TP53BP1: variants seen among roughly 807,000 people sequenced by gnomAD.
The protein encoded by TP53BP1 is tumor protein p53 binding protein 1.
TP53BP1 carries 61 observed loss-of-function variants against 200.8 expected under a neutral mutation model. The observed-to-expected ratio is 0.30, with a 90% CI of 0.25 to 0.38. The LOEUF (loss-of-function observed/expected upper bound fraction) is 0.38. Among genes scored for constraint, TP53BP1 ranks in the 10% least tolerant of loss-of-function variants. The probability of loss-of-function intolerance (pLI) is 1.00; values close to 1 mark genes in which losing one functional copy is unlikely to be tolerated. For missense variants in TP53BP1, 2,144 were observed against 2,371.9 expected (o/e 0.90, Z 2.00); for synonymous variants, 822 against 844.3 (o/e 0.97, Z 0.46).
Position 43,456,462 on chromosome 15 carries a change from C to CT in TP53BP1, c.2145dup (p.Glu716ArgfsTer9). The CT allele has an allele frequency of 6.4e-7, 1 of 1,567,314 alleles. No homozygotes were observed. ...TCAACTTCCATAGCTTCTGAGCATTCTTTTTTTGGCATTTCCTTTTGAAGA... is the reference window on the plus strand; with the variant it reads ...TCAACTTCCATAGCTTCTGAGCATTCTTTTTTTTGGCATTTCCTTTTGAAGA... On this transcript the variant is annotated frameshift_variant, in exon 12 of 28. Coordinates refer to ENST00000382044, the MANE Select transcript of TP53BP1 (RefSeq NM_001141980.3). LOFTEE classifies it high-confidence loss of function.
upstream of TP53BP1, among the ~76,000 whole-genome samples, chr15:43,495,731 G>A (rs1040649145): frequency 6.0e-5 from 9 of 150,068 alleles, no homozygotes; most frequent in African/African-American, 2.2e-4. Context: ...GCAGGAGAAT[G>A]GCGTGAACCC....
At chr15:43,492,121 C>T (rs1471950966) in intron 2 of TP53BP1, 26 bp from the exon 3 acceptor site, 1 of 1,567,238 alleles carries the variant, frequency 6.4e-7, no homozygotes, top group Non-Finnish European at 8.8e-7. Flanking sequence ...ACAAAATATC[C>T]CCATTATATA....
At chr15:43,486,850 T>A (rs1476313676) in intron 4 of TP53BP1, among the ~76,000 whole-genome samples, 1 of 152,128 alleles carries the variant, frequency 6.6e-6, no homozygotes, top group South Asian at 2.1e-4. Context: ...GGTCTCAAAC[T>A]CCTGAGCTCA....
rs554612149 is a variant in TP53BP1, at chr15:43,503,750, C to T, written c.-9+6620G>A. On this transcript the variant is annotated intron_variant, in intron 1 of 27. Coordinates refer to the TP53BP1 transcript ENST00000263801. ...TTACATCTTAGTCTGAAGTCTCACC[C>T]TGCCTTCTCCTGATTCTTCTTTGCA... Among the ~76,000 whole-genome samples the T allele has an allele frequency of 5.9e-5, 9 of 152,280 alleles. No homozygotes were observed. In the South Asian group the frequency reaches 1.9e-3, roughly 32 times the overall value.
chr15:43,476,259 C>T (rs1030528092), intron 8 of TP53BP1, among the ~76,000 whole-genome samples: 11 of 151,806 alleles, frequency 7.2e-5, no homozygotes, highest in South Asian at 2.1e-4. Flanking sequence ...AGGGAGACTC[C>T]GTCTCAAAAA....
chr15:43,407,193 A>C lies in TP53BP1; in HGVS notation c.*190T>G. 1.7e-6 allele frequency: 1 copy of C among 580,156 alleles called. No individual in the cohort carries two copies. The highest frequency in any genetic ancestry group is 3.0e-6 in the Non-Finnish European group (1 of 330,510). The allele number at this position is 580,156 out of a possible 1,614,324, so 35.9% of individuals were successfully genotyped here. A position where few individuals can be genotyped will look rare whatever the true frequency, so the allele number is the denominator to read the frequency against. On this transcript the variant is annotated 3_prime_UTR_variant, in exon 28 of 28. Coordinates refer to ENST00000382044, the MANE Select transcript of TP53BP1 (RefSeq NM_001141980.3). ...ATTTGTTCTGAGATTAAGCTCAAAAAAACAGATGAAGAAATCCCAGTTACT... is the reference window on the plus strand; with the variant it reads ...ATTTGTTCTGAGATTAAGCTCAAAACAACAGATGAAGAAATCCCAGTTACT...
Position 43,421,902 on chromosome 15 carries a change from G to A in TP53BP1, c.4053C>T (p.Pro1351=), listed in dbSNP as rs534443785. 8.1e-6 allele frequency: 13 copies of A among 1,614,152 alleles called. No homozygotes were observed. Among genetic ancestry groups the A allele is most frequent in the South Asian group, 2.2e-5 (2 of 91,072 alleles). The change falls in exon 19 of 28, where the codon CCC becomes CCT. Residue 1351 remains proline (P), a synonymous_variant. Transcript: ENST00000382044. ...GGGAGCTGGGTAAGGCAAAATCTGC[G>A]GGTTCTGTCCCGCTGGTTTTCCCTC... ...PLRGKTSGTE[P]ADFALPSSRG...
chr15:43,477,976 T>G (rs1015699719), intron 7 of TP53BP1, among the ~76,000 whole-genome samples: 1 of 152,206 alleles, frequency 6.6e-6, no homozygotes, highest in Non-Finnish European at 1.5e-5. Flanking sequence ...TCACAGCCAA[T>G]ACCTGTCTTC....
At chr15:43,421,692 C>T in intron 19 of TP53BP1, 163 bp downstream of exon 19, 1 of 1,077,292 alleles carries the variant, frequency 9.3e-7, no homozygotes, top group South Asian at 1.7e-5. Context: ...CTACTTCCCA[C>T]ACAAACCCAA....
intron 23 of TP53BP1, among the ~76,000 whole-genome samples, chr15:43,413,787 A>G (rs1014631585): frequency 3.6e-5 from 5 of 137,600 alleles, no homozygotes; most frequent in South Asian, 2.2e-4. Flanking sequence ...CAGCCTTTGG[A>G]AAAAAAAAAA....
At chr15:43,496,295 T>A (rs1189864497), upstream of TP53BP1, among the ~76,000 whole-genome samples, 1 of 152,236 alleles carries the variant, frequency 6.6e-6, no homozygotes, top group Non-Finnish European at 1.5e-5. Flanking sequence ...TGTCTTTAAC[T>A]GCTATCTTTA....
chr15:43,480,853 A>C, intron 5 of TP53BP1, 42 bp downstream of exon 5: 1 of 1,605,418 alleles, frequency 6.2e-7, no homozygotes, highest in South Asian at 1.1e-5. Flanking sequence ...TGTTAAAGGG[A>C]AGTTAGAACA....
intron 8 of TP53BP1, among the ~76,000 whole-genome samples, chr15:43,475,899 G>A (rs1051322744): frequency 2.0e-5 from 3 of 152,154 alleles, no homozygotes; most frequent in African/African-American, 4.8e-5. Context: ...CCCCCGCAAT[G>A]GGCTTCTTGA....
At chr15:43,465,229 G>A (rs941466298) in intron 11 of TP53BP1, among the ~76,000 whole-genome samples, 9 of 152,182 alleles carry the variant, frequency 5.9e-5, no homozygotes, top group South Asian at 4.1e-4. Context: ...TCGAAGGGCC[G>A]AGGGTAGAAG....
At chr15:43,485,493 C>T (rs1343551564) in intron 4 of TP53BP1, among the ~76,000 whole-genome samples, 2 of 143,398 alleles carry the variant, frequency 1.4e-5, no homozygotes, top group South Asian at 2.2e-4. Flanking sequence ...AGGAGAATGA[C>T]GTGAACCCAG....
intron 11 of TP53BP1, among the ~76,000 whole-genome samples, chr15:43,462,486 TC>T (rs1566949473): frequency 6.6e-6 from 1 of 151,486 alleles, no homozygotes; most frequent in African/African-American, 2.4e-5. Context: ...ATTTTTTTTT[TC>T]TTTTGGTGGG....
At chr15:43,408,869 C>G (rs1214624222) in intron 26 of TP53BP1, 28 bp downstream of exon 26, 2 of 1,611,510 alleles carry the variant, frequency 1.2e-6, no homozygotes, top group Non-Finnish European at 8.5e-7. Context: ...CCTGCCTATA[C>G]AATTCTGGAT....
chr15:43,457,942 C>A (rs554072917), intron 11 of TP53BP1, among the ~76,000 whole-genome samples: 6 of 151,858 alleles, frequency 4.0e-5, no homozygotes, highest in South Asian at 2.1e-4. Flanking sequence ...TGGCTTGAAC[C>A]GCGGAGGCAG....
At chr15:43,476,268 A>C (rs144542464) in intron 8 of TP53BP1, among the ~76,000 whole-genome samples, 6 of 152,172 alleles carry the variant, frequency 3.9e-5, no homozygotes, top group Non-Finnish European at 5.9e-5. Context: ...CCGTCTCAAA[A>C]AAATAAATAA....
Sources: gnomAD v4.1 joint callset for allele counts (sites outside exome capture counted in the v4.1 genomes callset) on GRCh38, gnomAD v4.1.1 for gene constraint, MANE v1.5 for transcripts, NCBI Gene and HGNC (gene_info 2026-07-23, HGNC 2026-07-21) for gene names.